FHAD1: variants seen among roughly 807,000 people sequenced by gnomAD.
FHAD1 encodes forkhead associated phosphopeptide binding domain 1.
A neutral mutation model predicts 191.3 loss-of-function variants in FHAD1; 146 were observed. That is an observed-to-expected ratio of 0.76 (90% confidence interval 0.67 to 0.88). The LOEUF (loss-of-function observed/expected upper bound fraction) is 0.88, where lower values mean the gene tolerates loss of function less well. Ranked by LOEUF, FHAD1 falls within the 40% of genes least tolerant of loss-of-function variation. The pLI is 0.00. For synonymous variants in FHAD1, 616 were observed against 672.3 expected (o/e 0.92, Z 1.29); for missense variants, 1,635 against 1,785.8 (o/e 0.92, Z 1.52).
At chr1:15,252,625 T>C (rs1646923332) in intron 2 of FHAD1, among the ~76,000 whole-genome samples, 2 of 152,194 alleles carry the variant, frequency 1.3e-5, no homozygotes, top group South Asian at 4.1e-4. Context: ...GCCTGATGTG[T>C]GGTTCAGAAG....
chr1:15,317,788 C>A (rs1379779701), intron 9 of FHAD1, 36 bp from the exon 10 acceptor site: 4 of 1,456,390 alleles, frequency 2.7e-6, no homozygotes, highest in South Asian at 1.2e-5. Context: ...CTCCTGCCCC[C>A]ATCAGGGAGG....
intron 26 of FHAD1, among the ~76,000 whole-genome samples, chr1:15,369,844 G>A (rs1697586841): frequency 1.3e-5 from 2 of 152,188 alleles, no homozygotes; most frequent in Non-Finnish European, 2.9e-5. Context: ...ACCTTGGGGA[G>A]GTCACTGTAC....
chr1:15,362,774 C>T, intron 23 of FHAD1, 48 bp downstream of exon 23: 1 of 1,472,814 alleles, frequency 6.8e-7, no homozygotes, highest in Non-Finnish European at 9.3e-7. Context: ...ACCGGCACCA[C>T]CTGGGTGGGG....
chr1:15,375,795 C>G (rs922113428), intron 28 of FHAD1, 65 bp downstream of exon 28: 1 of 1,451,156 alleles, frequency 6.9e-7, no homozygotes, highest in Non-Finnish European at 9.2e-7. Context: ...AGGGCAGACA[C>G]TAGCTTCGTT....
chr1:15,302,574 A>G (rs1192341045), intron 6 of FHAD1, among the ~76,000 whole-genome samples: 1 of 152,150 alleles, frequency 6.6e-6, no homozygotes, highest in Non-Finnish European at 1.5e-5. Flanking sequence ...AAATACAAAA[A>G]ATTAGCCAGG....
chr1:15,388,858 C>T (rs1369241498), intron 32 of FHAD1, among the ~76,000 whole-genome samples: 1 of 152,186 alleles, frequency 6.6e-6, no homozygotes, highest in African/African-American at 2.4e-5. Context: ...TAAGAACAGC[C>T]TTCGTGGGGT....
In FHAD1 at chr1:15,381,078, T is replaced by C. The variant is rs3729554; in HGVS notation, c.3802-153T>C. Among the ~76,000 whole-genome samples, 334 of 152,346 alleles carry C rather than the reference T, an allele frequency of 2.2e-3. 11 individuals are homozygous for C. The East Asian group carries it at 0.058, about 26-fold the overall frequency. On this transcript the variant is annotated intron_variant, in intron 29 of 33. Transcript: ENST00000688493. This position sits in a 1 kb window ranked among gnomAD's most constrained non-coding sequence, Gnocchi z 4.6. The stretch of plus-strand genomic sequence containing the variant: ...ATGGATGTGGGAGAAAGGAAAGTCA[T>C]GCTGAAAGCCCCAGTTGCACATCCT...
At chr1:15,270,977 A>C (rs1655650622) in intron 2 of FHAD1, among the ~76,000 whole-genome samples, 2 of 151,856 alleles carry the variant, frequency 1.3e-5, no homozygotes, top group Admixed American at 1.3e-4. Context: ...GCCTCTACTA[A>C]AAATACAGAA....
chr1:15,399,257 A>C (rs1252479247), downstream of FHAD1, among the ~76,000 whole-genome samples: 1 of 152,238 alleles, frequency 6.6e-6, no homozygotes, highest in Non-Finnish European at 1.5e-5. Context: ...CACATCTTAC[A>C]CATGGTTAGG....
At position 15,289,474 on chromosome 1, in the gene FHAD1, C is replaced by T. The variant is rs1164634908; in HGVS notation, c.376C>T (p.Gln126Ter). ...ACCTCGTGCCACACAGCAGCCAAAC[C>T]AGGCCCCCCCACCATCACATATCCC... Reference protein sequence around the residue: ...QPPRATQQPNQAPPPSHIPFH... With the variant: ...QPPRATQQPN The change falls in exon 4 of 34, where the codon CAG (glutamine) becomes TAG (stop). Residue 126 changes from glutamine to a stop codon, truncating the protein, a stop_gained. Coordinates refer to ENST00000688493, the MANE Select transcript of FHAD1 (RefSeq NM_001391957.1). LOFTEE classifies it high-confidence loss of function. The surrounding 1 kb of genome is among the most constrained non-coding windows in gnomAD (Gnocchi z 4.2). The T allele has an allele frequency of 1.9e-6, 3 of 1,551,884 alleles. No homozygotes were observed. Among genetic ancestry groups the T allele is most frequent in the Middle Eastern group, 1.7e-4 (1 of 5,992 alleles).
chr1:15,300,398 A>G (rs193193899), intron 5 of FHAD1, among the ~76,000 whole-genome samples: 1 of 152,336 alleles, frequency 6.6e-6, no homozygotes, highest in Admixed American at 6.5e-5. Context: ...TTATGTGAAT[A>G]ACCAAAAGAG....
chr1:15,383,518 C>T (rs1161653655), intron 31 of FHAD1: 2 of 343,362 alleles, frequency 5.8e-6, no homozygotes, highest in Admixed American at 7.6e-5. Flanking sequence ...GGCAGAGGGG[C>T]TTTCCTGTCT....
chr1:15,297,889 A>G (rs769996748), intron 5 of FHAD1, among the ~76,000 whole-genome samples: 3 of 150,788 alleles, frequency 2.0e-5, no homozygotes, highest in Non-Finnish European at 4.4e-5. Context: ...CTTTTTTTTA[A>G]TTTTTCCATA....
At chr1:15,314,918 GTC>G (rs1354021922) in intron 8 of FHAD1, 1 of 151,588 alleles carries the variant, frequency 6.6e-6, no homozygotes, top group East Asian at 1.9e-4. Context: ...GTGGATGTGT[GTC>G]GGGGCTGTAG....
intron 33 of FHAD1, among the ~76,000 whole-genome samples, chr1:15,396,950 C>A (rs1245888271): frequency 3.3e-5 from 5 of 150,774 alleles, no homozygotes; most frequent in Non-Finnish European, 7.4e-5. Flanking sequence ...TTTGGGAGGC[C>A]AAGACGGGCG....
At chr1:15,319,994 C>G (rs1205396584) in intron 10 of FHAD1, among the ~76,000 whole-genome samples, 1 of 152,186 alleles carries the variant, frequency 6.6e-6, no homozygotes, top group African/African-American at 2.4e-5. Context: ...TCTGGGCTAT[C>G]AATTTTTCTC....
chr1:15,375,162 T>G (rs1375179402), intron 27 of FHAD1, among the ~76,000 whole-genome samples: 1 of 152,162 alleles, frequency 6.6e-6, no homozygotes, highest in East Asian at 1.9e-4. Context: ...AGCCTACTTT[T>G]TCTTATTTCA....
chr1:15,345,285 C>T (rs1688428800), intron 17 of FHAD1, 95 bp downstream of exon 17: 4 of 1,360,784 alleles, frequency 2.9e-6, no homozygotes, highest in East Asian at 5.0e-5. Context: ...GCTCTGAGCT[C>T]CAGGGCTGTG....
chr1:15,309,931 C>G (rs182564601), intron 7 of FHAD1, among the ~76,000 whole-genome samples: 2 of 151,980 alleles, frequency 1.3e-5, no homozygotes, highest in Admixed American at 1.3e-4. Context: ...CAACTGCCGG[C>G]GAGTGTGGCT....
Sources: gnomAD v4.1 joint callset for allele counts (sites outside exome capture counted in the v4.1 genomes callset) on GRCh38, gnomAD v4.1.1 for gene constraint, Gnocchi (gnomAD v3.1) non-coding constraint, MANE v1.5 for transcripts, NCBI Gene and HGNC (gene_info 2026-07-23, HGNC 2026-07-21) for gene names.